PTK2: variants seen among roughly 807,000 people sequenced by gnomAD.
PTK2 encodes the protein protein tyrosine kinase 2.
PTK2 carries 45 observed loss-of-function variants against 150.1 expected under a neutral mutation model. The observed-to-expected ratio is 0.30, with a 90% CI of 0.24 to 0.38. PTK2 has a LOEUF of 0.38. PTK2 is among the 10% of genes least tolerant of loss of function. PTK2 has a pLI of 1.00. For synonymous variants in PTK2, 432 were observed against 449.2 expected, an observed-to-expected ratio of 0.96 and a Z score of 0.48; for missense variants, 919 against 1,307.3, an observed-to-expected ratio of 0.70 and a Z score of 4.58.
At chr8:140,960,544 C>G (rs1019193372) in intron 1 of PTK2, among the ~76,000 whole-genome samples, 1 of 151,974 alleles carries the variant, frequency 6.6e-6, no homozygotes, top group African/African-American at 2.4e-5. Flanking sequence ...GTAATCAAGG[C>G]AAGATAAACT....
chr8:140,750,892 C>G (rs2100062233), intron 17 of PTK2, among the ~76,000 whole-genome samples: 1 of 152,110 alleles, frequency 6.6e-6, no homozygotes, highest in African/African-American at 2.4e-5. Flanking sequence ...GCCTGGGAAA[C>G]AGCAAAAACC....
intron 11 of PTK2, among the ~76,000 whole-genome samples, chr8:140,802,323 A>G (rs2100095580): frequency 6.6e-6 from 1 of 152,182 alleles, no homozygotes; most frequent in Admixed American, 6.5e-5. Context: ...AAAAAGTAAA[A>G]AACACAGAAA....
chr8:140,940,160 T>C (rs2100175153), intron 1 of PTK2, among the ~76,000 whole-genome samples: 1 of 152,220 alleles, frequency 6.6e-6, no homozygotes, highest in Admixed American at 6.5e-5. Flanking sequence ...ATACAGACTT[T>C]TGCTTGAAGA....
chr8:140,700,701 C>T, intron 26 of PTK2, 190 bp downstream of exon 29: 2 of 536,784 alleles, frequency 3.7e-6, no homozygotes, highest in South Asian at 2.2e-5. Context: ...GTCTCGAACT[C>T]CTGACCTCAG....
chr8:140,995,651 CAAACA>C (rs1006498570), intron 1 of PTK2, among the ~76,000 whole-genome samples: 8 of 151,426 alleles, frequency 5.3e-5, no homozygotes, highest in African/African-American at 1.9e-4. Flanking sequence ...AAAAAACAAA[CAAACA>C]AAAGTAGCTG....
At chr8:140,913,499 T>C (rs1385318370) in intron 2 of PTK2, among the ~76,000 whole-genome samples, 1 of 152,100 alleles carries the variant, frequency 6.6e-6, no homozygotes. Flanking sequence ...TTTCACCATG[T>C]TGGCCAGGCT....
chr8:140,917,589 T>C (rs903000237), intron 2 of PTK2, among the ~76,000 whole-genome samples: 7 of 152,142 alleles, frequency 4.6e-5, no homozygotes, highest in Admixed American at 1.3e-4. Context: ...AGCTGAATGA[T>C]CCTAAAACTA....
intron 5 of PTK2, among the ~76,000 whole-genome samples, chr8:140,862,348 T>G (rs2100136694): frequency 6.6e-6 from 1 of 152,140 alleles, no homozygotes; most frequent in Non-Finnish European, 1.5e-5. Flanking sequence ...TTCGCCAAAA[T>G]ATGAAGTTCA....
intron 1 of PTK2, among the ~76,000 whole-genome samples, chr8:140,944,018 G>T (rs1224898203): frequency 6.6e-6 from 1 of 152,098 alleles, no homozygotes; most frequent in Non-Finnish European, 1.5e-5. Context: ...GAATTCATGA[G>T]TACTGGGTAA....
In PTK2 at chr8:140,914,921, T is replaced by A. The variant is rs370416809; in HGVS notation, c.-33+10740A>T. 2.5e-3 allele frequency among the ~76,000 whole-genome samples: 381 copies of A among 149,724 alleles called. 2 individuals are homozygous for A. The highest frequency in any genetic ancestry group is 4.5e-3 in the Non-Finnish European group (305 of 67,742). On this transcript the variant is annotated intron_variant, in intron 2 of 31. Transcript: ENST00000522684. ...AGTGGTGCATGCCTGTAATCCCAGCTACTCGGGAGGCTGAGGCAGGAGAAT... is the reference window on the plus strand; with the variant it reads ...AGTGGTGCATGCCTGTAATCCCAGCAACTCGGGAGGCTGAGGCAGGAGAAT...
At chr8:140,660,441 G>A (rs1461113813) in intron 31 of PTK2, among the ~76,000 whole-genome samples, 12 of 152,198 alleles carry the variant, frequency 7.9e-5, no homozygotes, top group Admixed American at 7.9e-4. Context: ...AAGGATGGTG[G>A]CAGGGCGCAG....
intron 22 of PTK2, among the ~76,000 whole-genome samples, chr8:140,732,192 G>A (rs1160473502): frequency 1.3e-5 from 2 of 152,128 alleles, no homozygotes; most frequent in Non-Finnish European, 2.9e-5. Context: ...GTCCAAGTAA[G>A]CAATTATATT....
rs1312824545 is a variant in PTK2 at position 140,761,149 on chromosome 8, G to A, written c.1332+16C>T. ...TCAAAATTAGTCTAGTTGTTTGGTA[G>A]TCTTAAAAGACTTACTGGACTCATA... is the stretch of plus-strand genomic sequence containing the variant. On this transcript the variant is annotated intron_variant, in intron 16 of 31. Transcript: ENST00000522684. 2 of 1,543,866 alleles carry A rather than the reference G, an allele frequency of 1.3e-6. No homozygotes were observed. The highest frequency in any genetic ancestry group is 1.8e-6 in the Non-Finnish European group (2 of 1,117,922).
At chr8:140,815,024 T>G (rs1238138481) in intron 10 of PTK2, among the ~76,000 whole-genome samples, 2 of 152,148 alleles carry the variant, frequency 1.3e-5, no homozygotes, top group African/African-American at 2.4e-5. Flanking sequence ...TCCGCCCACC[T>G]TGGCCTCCCA....
chr8:140,946,121 T>G (rs1006162366), intron 1 of PTK2, among the ~76,000 whole-genome samples: 3 of 151,960 alleles, frequency 2.0e-5, no homozygotes, highest in African/African-American at 7.3e-5. Context: ...GAAGACAAAA[T>G]GAATACACTT....
At chr8:140,771,581 A>G (rs1594894155) in intron 14 of PTK2, 1 of 152,230 alleles carries the variant, frequency 6.6e-6, no homozygotes, top group Non-Finnish European at 1.5e-5. Flanking sequence ...CACAGGTAAC[A>G]TCAACATTTA....
intron 1 of PTK2, among the ~76,000 whole-genome samples, chr8:140,986,615 CAT>C (rs2154610106): frequency 6.6e-6 from 1 of 152,274 alleles, no homozygotes; most frequent in South Asian, 2.1e-4. Context: ...TCCTCCAAAA[CAT>C]ATAACCCAAA....
chr8:140,979,595 A>C (rs1159430518), intron 1 of PTK2, among the ~76,000 whole-genome samples: 2 of 152,234 alleles, frequency 1.3e-5, no homozygotes, highest in African/African-American at 2.4e-5. Flanking sequence ...AAGGATGTGG[A>C]ACAACAGGAG....
At chr8:140,835,513 T>A (rs2100118196) in intron 7 of PTK2, among the ~76,000 whole-genome samples, 1 of 152,324 alleles carries the variant, frequency 6.6e-6, no homozygotes, top group South Asian at 2.1e-4. Context: ...CACCTCTAAA[T>A]TATACTCAAG....
Sources: gnomAD v4.1 joint callset for allele counts (sites outside exome capture counted in the v4.1 genomes callset) on GRCh38, gnomAD v4.1.1 for gene constraint, MANE v1.5 for transcripts, NCBI Gene and HGNC (gene_info 2026-07-23, HGNC 2026-07-21) for gene names.